The following PRDM16 variants were observed in gnomAD, a reference collection of about 807,000 sequenced individuals.
The protein encoded by PRDM16 is histone-lysine N-methyltransferase PRDM16.
A neutral mutation model predicts 110.6 loss-of-function variants in PRDM16; 23 were observed. That is an observed-to-expected ratio of 0.21 (90% CI 0.15 to 0.29). PRDM16 has a LOEUF of 0.29. PRDM16 is among the 10% of genes least tolerant of loss of function. The pLI is 1.00. For synonymous variants in PRDM16, 799 were observed against 781.8 expected (o/e 1.02, Z -0.37); for missense variants, 1,615 against 1,794.3 (o/e 0.90, Z 1.81).
At chr1:3,072,295 C>G (rs936117591) in intron 1 of PRDM16, among the ~76,000 whole-genome samples, 1 of 152,206 alleles carries the variant, frequency 6.6e-6, no homozygotes, top group Non-Finnish European at 1.5e-5. Context: ...GGATCACCAT[C>G]GCCCTCATAG....
chr1:3,178,932 C>T (rs1644120745), intron 1 of PRDM16, among the ~76,000 whole-genome samples: 2 of 152,192 alleles, frequency 1.3e-5, no homozygotes, highest in African/African-American at 4.8e-5. Context: ...CACCCAACCT[C>T]TAAAACCTTC....
Position 3,123,916 on chromosome 1 carries a change from G to A in PRDM16, c.37+54620G>A, listed in dbSNP as rs538768191. ...CAAGGTTAAATGAGGCCCTGTCTCC[G>A]AGCACCTGGGCTCGGGTGGGGCAGC... On this transcript the variant is annotated intron_variant, in intron 1 of 16. Transcript: ENST00000270722. Among the ~76,000 whole-genome samples the A allele has an allele frequency of 1.2e-3, 179 of 152,334 alleles. 3 individuals carry two copies. Among genetic ancestry groups the A allele is most frequent in the African/African-American group, 4.1e-3 (169 of 41,574 alleles).
intron 1 of PRDM16, among the ~76,000 whole-genome samples, chr1:3,174,034 T>C (rs113914848): frequency 9.8e-5 from 15 of 152,326 alleles, no homozygotes; most frequent in African/African-American, 3.1e-4. Context: ...CTGGATGGAC[T>C]GAAACAACCG....
chr1:3,433,398 C>G (rs769454844), intron 16 of PRDM16, among the ~76,000 whole-genome samples: 5 of 152,266 alleles, frequency 3.3e-5, no homozygotes, highest in African/African-American at 4.8e-5. Flanking sequence ...TGGGAACGGA[C>G]GAGGCTTGGC....
intron 1 of PRDM16, among the ~76,000 whole-genome samples, chr1:3,083,240 G>C (rs1239717652): frequency 2.0e-5 from 3 of 152,180 alleles, no homozygotes; most frequent in African/African-American, 7.2e-5. Flanking sequence ...CAGGGGTCGG[G>C]TCTCCTGGCT....
chr1:3,339,120 C>A lies in PRDM16; in HGVS notation c.439-46032C>A, dbSNP rs1455512988. ...ACTCCCCTCTCTGGCCTCCCCATGTCCCGCCTTTCCGGGTGCTCAGAGGCA... is the reference window on the plus strand; with the variant it reads ...ACTCCCCTCTCTGGCCTCCCCATGTACCGCCTTTCCGGGTGCTCAGAGGCA... On this transcript the variant is annotated intron_variant, in intron 3 of 16. Transcript: ENST00000270722. This position sits in a 1 kb window ranked among gnomAD's most constrained non-coding sequence, Gnocchi z 5.0. 6.6e-6 allele frequency among the ~76,000 whole-genome samples: 1 copy of A among 152,168 alleles called. No homozygotes were observed. The highest frequency in any genetic ancestry group is 1.5e-5 in the Non-Finnish European group (1 of 68,016).
In PRDM16 at chr1:3,301,692, C is replaced by T. The variant is rs1641211895; in HGVS notation, c.438+57555C>T. The stretch of plus-strand genomic sequence containing the variant: ...GGTCTGGCCAGAAAACTGGATTTTG[C>T]TCTGTGTCTGTTGGCTTGTTACTAA... On this transcript the variant is annotated intron_variant, in intron 3 of 16. Transcript: ENST00000270722. 4.6e-5 allele frequency among the ~76,000 whole-genome samples: 7 copies of T among 152,274 alleles called. No homozygotes were observed. In the South Asian group the frequency reaches 1.2e-3, roughly 27 times the overall value.
intron 3 of PRDM16, among the ~76,000 whole-genome samples, chr1:3,283,628 C>T (rs1179456616): frequency 1.3e-5 from 2 of 151,612 alleles, no homozygotes; most frequent in African/African-American, 2.4e-5. Context: ...CAAAGGGTTA[C>T]GGGGACCAGA....
intron 1 of PRDM16, among the ~76,000 whole-genome samples, chr1:3,181,929 C>G (rs1644213677): frequency 6.6e-6 from 1 of 151,596 alleles, no homozygotes; most frequent in African/African-American, 2.4e-5. Context: ...TACACATGGT[C>G]TTACACATGC....
At chr1:3,252,693 A>G (rs1639962021) in intron 3 of PRDM16, among the ~76,000 whole-genome samples, 1 of 152,026 alleles carries the variant, frequency 6.6e-6, no homozygotes, top group Non-Finnish European at 1.5e-5. Flanking sequence ...CTCGTGTTCC[A>G]TGAGACTACT....
intron 2 of PRDM16, among the ~76,000 whole-genome samples, chr1:3,188,455 T>A (rs1269933493): frequency 6.6e-6 from 1 of 152,182 alleles, no homozygotes; most frequent in East Asian, 1.9e-4. Flanking sequence ...TGCCGGTGCC[T>A]GTTGACTTTG....
intron 3 of PRDM16, among the ~76,000 whole-genome samples, chr1:3,274,292 C>G (rs72632141): frequency 0.017 from 2,592 of 152,244 alleles, 32 homozygotes; most frequent in Non-Finnish European, 0.024. Context: ...GTGGGGGCCT[C>G]CATTAATCTT....
chr1:3,411,307 T>A, intron 8 of PRDM16, 77 bp from the exon 9 acceptor site: 1 of 1,492,472 alleles, frequency 6.7e-7, no homozygotes, highest in Non-Finnish European at 9.1e-7. Flanking sequence ...GCTTTCCCAG[T>A]AATTTCATGT....
chr1:3,387,994 C>T (rs1197827088), intron 4 of PRDM16, among the ~76,000 whole-genome samples: 4 of 152,262 alleles, frequency 2.6e-5, no homozygotes, highest in South Asian at 4.1e-4. Context: ...GAAAGCATTT[C>T]CATTCCCTGG....
chr1:3,275,706 G>A (rs1035642265), intron 3 of PRDM16, among the ~76,000 whole-genome samples: 16 of 152,150 alleles, frequency 1.1e-4, no homozygotes, highest in Non-Finnish European at 1.6e-4. Flanking sequence ...GGGCTCAAAG[G>A]GACCTTCCTC....
chr1:3,165,932 G>A (rs577948666), intron 1 of PRDM16, among the ~76,000 whole-genome samples: 3 of 76,038 alleles, frequency 3.9e-5, no homozygotes, highest in African/African-American at 7.2e-5. Context: ...TGGGCTCAGG[G>A]ACAGGGACTC....
At chr1:3,345,214 G>A (rs1453825330) in intron 3 of PRDM16, among the ~76,000 whole-genome samples, 1 of 152,134 alleles carries the variant, frequency 6.6e-6, no homozygotes, top group Non-Finnish European at 1.5e-5. Context: ...TTCCTTCAAG[G>A]GTTCAGTTCC....
chr1:3,172,547 A>G (rs80114626), intron 1 of PRDM16, among the ~76,000 whole-genome samples: 2 of 152,206 alleles, frequency 1.3e-5, no homozygotes, highest in South Asian at 4.1e-4. Context: ...TGGACACACC[A>G]CAGTGTCCAT....
At chr1:3,402,350 G>C (rs556986483) in intron 5 of PRDM16, among the ~76,000 whole-genome samples, 1 of 152,366 alleles carries the variant, frequency 6.6e-6, no homozygotes, top group East Asian at 1.9e-4. Flanking sequence ...CTTAATAATA[G>C]CTGCCCCCCT....
Sources: allele counts gnomAD v4.1 joint callset (sites outside exome capture counted in the v4.1 genomes callset), GRCh38; gene constraint gnomAD v4.1.1; non-coding constraint Gnocchi (gnomAD v3.1); transcripts MANE v1.5; gene names NCBI Gene and HGNC (gene_info 2026-07-23, HGNC 2026-07-21).